Variants in RARB observed in about 807,000 individuals in gnomAD.
RARB encodes retinoic acid receptor beta.
Under a neutral mutation model 51.9 loss-of-function variants are expected in RARB, and 17 were observed. That is an observed-to-expected ratio of 0.33 (90% confidence interval 0.22 to 0.49). RARB has a LOEUF of 0.49. Ranked by LOEUF, RARB falls within the 20% of genes least tolerant of loss-of-function variation. The pLI is 0.99. For missense variants in RARB, 369 were observed against 550.8 expected (o/e 0.67, Z 3.30); for synonymous variants, 215 against 195.4 (o/e 1.10, Z -0.84).
chr3:25,030,918 G>C (rs1367154093), intron 2 of RARB, among the ~76,000 whole-genome samples: 2 of 152,170 alleles, frequency 1.3e-5, no homozygotes, highest in Non-Finnish European at 2.9e-5. Flanking sequence ...AGGCAGCAGA[G>C]TCAGTCTCTG....
At chr3:25,566,256 A>T (rs1260724482) in intron 3 of RARB, among the ~76,000 whole-genome samples, 1 of 152,290 alleles carries the variant, frequency 6.6e-6, no homozygotes, top group East Asian at 1.9e-4. Flanking sequence ...CCGTCAACTT[A>T]TGAAGCTGTA....
intron 2 of RARB, among the ~76,000 whole-genome samples, chr3:24,870,915 T>TA (rs1178986411): frequency 2.6e-5 from 4 of 152,132 alleles, no homozygotes; most frequent in African/African-American, 9.6e-5. Flanking sequence ...TTCATTGTCT[T>TA]AAAATATACA....
At chr3:24,874,041 A>G (rs1702997118) in intron 2 of RARB, among the ~76,000 whole-genome samples, 1 of 152,088 alleles carries the variant, frequency 6.6e-6, no homozygotes, top group Non-Finnish European at 1.5e-5. Flanking sequence ...TAGGTATTAT[A>G]AGTAATCTAG....
intron 4 of RARB, among the ~76,000 whole-genome samples, chr3:25,144,586 C>G (rs1178378998): frequency 6.6e-6 from 1 of 152,178 alleles, no homozygotes; most frequent in Admixed American, 6.5e-5. Context: ...GCCATACATT[C>G]TTCAAATAAT....
At chr3:25,594,253 G>C (rs912200541) in intron 6 of RARB, among the ~76,000 whole-genome samples, 2 of 152,112 alleles carry the variant, frequency 1.3e-5, no homozygotes, top group Non-Finnish European at 2.9e-5. Flanking sequence ...AATTCAGTTT[G>C]GTAGTGACAC....
intron 3 of RARB, among the ~76,000 whole-genome samples, chr3:25,110,308 A>G (rs888960181): frequency 2.6e-5 from 4 of 152,208 alleles, no homozygotes; most frequent in African/African-American, 9.6e-5. Context: ...AGCATTCTGT[A>G]CTTTTCTAAG....
intron 5 of RARB, among the ~76,000 whole-genome samples, chr3:25,230,417 G>A (rs1296110681): frequency 6.6e-6 from 1 of 151,940 alleles, no homozygotes; most frequent in African/African-American, 2.4e-5. Flanking sequence ...CCAAATCTCA[G>A]GGAGCTAGAA....
intron 2 of RARB, among the ~76,000 whole-genome samples, chr3:24,927,780 G>C (rs538107192): frequency 6.6e-6 from 1 of 151,970 alleles, no homozygotes; most frequent in East Asian, 1.9e-4. Flanking sequence ...GACTGAAGCC[G>C]ATTTTGGCAT....
intron 2 of RARB, among the ~76,000 whole-genome samples, chr3:25,467,718 G>T (rs1200552716): frequency 6.6e-6 from 1 of 152,188 alleles, no homozygotes; most frequent in East Asian, 1.9e-4. Context: ...ACTTGCATTT[G>T]GTTACATACC....
chr3:25,110,405 A>C (rs569090867), intron 3 of RARB, among the ~76,000 whole-genome samples: 12 of 152,354 alleles, frequency 7.9e-5, no homozygotes, highest in South Asian at 2.1e-4. Context: ...AGAGATGCCA[A>C]AATCACTCAG....
intron 1 of RARB, among the ~76,000 whole-genome samples, chr3:25,438,287 G>A (rs4416353): frequency 0.74 from 112,526 of 152,096 alleles, 42,325 homozygotes; most frequent in Middle Eastern, 0.88. Context: ...GTATACAGTC[G>A]CTTTCACTAT....
chr3:25,428,261 G>C, upstream of RARB: 1 of 1,233,212 alleles, frequency 8.1e-7, no homozygotes, highest in African/African-American at 1.6e-5. Flanking sequence ...CTTTCATTCT[G>C]TGTGACAGAA....
chr3:25,418,604 G>A (rs1424018322), intron 5 of RARB, among the ~76,000 whole-genome samples: 1 of 150,546 alleles, frequency 6.6e-6, no homozygotes, highest in South Asian at 2.1e-4. Flanking sequence ...ATCTCAACAG[G>A]TGTGAAAGAA....
At chr3:25,354,017 C>T (rs1042527001) in intron 5 of RARB, among the ~76,000 whole-genome samples, 1 of 151,976 alleles carries the variant, frequency 6.6e-6, no homozygotes, top group African/African-American at 2.4e-5. Context: ...GACCCTCTCC[C>T]CATTCCTTTC....
At chr3:25,219,523 C>T (rs1701900907) in intron 5 of RARB, among the ~76,000 whole-genome samples, 1 of 152,088 alleles carries the variant, frequency 6.6e-6, no homozygotes, top group Admixed American at 6.6e-5. Context: ...CTCTTGGTAA[C>T]AAAAGCAAGG....
intron 2 of RARB, among the ~76,000 whole-genome samples, chr3:24,968,640 G>T (rs1696329300): frequency 6.6e-6 from 1 of 152,052 alleles, no homozygotes; most frequent in African/African-American, 2.4e-5. Flanking sequence ...ATGGGTACAT[G>T]GATAACATCT....
intron 5 of RARB, among the ~76,000 whole-genome samples, chr3:25,286,821 C>T (rs1286961607): frequency 6.6e-6 from 1 of 152,160 alleles, no homozygotes; most frequent in Non-Finnish European, 1.5e-5. Flanking sequence ...ATGAATAGAT[C>T]CATTATCAAG....
At chr3:25,011,139 A>G (rs1434420753) in intron 2 of RARB, among the ~76,000 whole-genome samples, 2 of 152,152 alleles carry the variant, frequency 1.3e-5, no homozygotes, top group Non-Finnish European at 2.9e-5. Context: ...AGGTTGTGGA[A>G]GTGAATAAAG....
At chr3:24,859,238 A>G (rs1429820485) in intron 2 of RARB, among the ~76,000 whole-genome samples, 1 of 151,850 alleles carries the variant, frequency 6.6e-6, no homozygotes, top group Non-Finnish European at 1.5e-5. Flanking sequence ...TCTATATTGC[A>G]ATATCTCTTG....
Sources: allele counts gnomAD v4.1 joint callset (sites outside exome capture counted in the v4.1 genomes callset), GRCh38; gene constraint gnomAD v4.1.1; transcripts MANE v1.5; gene names NCBI Gene and HGNC (gene_info 2026-07-23, HGNC 2026-07-21).